TERT: variants seen among roughly 807,000 people sequenced by gnomAD.
TERT encodes telomerase catalytic subunit.
A neutral mutation model predicts 104.0 loss-of-function variants in TERT; 42 were observed. The ratio of observed to expected loss-of-function variants is 0.40; its 90% CI spans 0.32 to 0.52. The LOEUF is 0.52. Among genes scored for constraint, TERT ranks in the 20% least tolerant of loss-of-function variants. The pLI is 0.43. For missense variants in TERT, 1,101 were observed against 1,610.3 expected (o/e 0.68, Z 5.41); for synonymous variants, 781 against 725.6 (o/e 1.08, Z -1.23).
Position 1,294,149 on chromosome 5 carries a change from G to A in TERT, c.737C>T (p.Pro246Leu), listed in dbSNP as rs377315722. The stretch of plus-strand genomic sequence containing the variant: ...CCCCTGCCCAACGGGCGTCCGCTCC[G>A]GCTCAGGGGCAGCGCCACGCCTGGG... ...KRPRRGAAPE[P>L]ERTPVGQGSW... is the part of the protein sequence containing the mutation. The change falls in exon 2 of 16, where the codon CCG (proline) becomes CTG (leucine). Residue 246 changes from proline to leucine, a missense_variant. Around this residue, in one of 5 missense-constraint regions of TERT, gnomAD observed 504 missense variants for 544.6 expected, o/e 0.93. Coordinates refer to ENST00000310581, the MANE Select transcript of TERT (RefSeq NM_198253.3). 1.8e-5 allele frequency: 29 copies of A among 1,581,062 alleles called. No individual in the cohort carries two copies. The African/African-American group carries it at 1.9e-4, about 10-fold the overall frequency.
rs1418564462 is a variant in TERT, at chr5:1,264,603, G to T, written c.2655-11C>A. 3.7e-6 allele frequency: 6 copies of T among 1,613,624 alleles called. No homozygotes were observed. Among genetic ancestry groups the T allele is most frequent in the Non-Finnish European group, 5.1e-6 (6 of 1,180,034 alleles). The stretch of plus-strand genomic sequence containing the variant: ...CCTCGGACCAGGGTCCTAAGGCAGA[G>T]GGGCAATGTCAGCCCCAGGATGCGG... On this transcript the variant is annotated splice_polypyrimidine_tract_variant and intron_variant, in intron 10 of 15. Transcript: ENST00000310581.
In TERT at chr5:1,255,278, T is replaced by C. The variant is rs559604722; in HGVS notation, c.3157+9A>G. On this transcript the variant is annotated intron_variant, in intron 14 of 15. Transcript: ENST00000310581. The surrounding 1 kb of genome is among the most constrained non-coding windows in gnomAD (Gnocchi z 6.9). ...ACTGCTGCCACTGAGGCCAGGCACC[T>C]GCACATACCTGCGTTCTTGGCTTTC... 1 of 1,613,180 alleles carries C rather than the reference T, an allele frequency of 6.2e-7. No homozygotes were observed. The highest frequency in any genetic ancestry group is 8.5e-7 in the Non-Finnish European group (1 of 1,179,702).
At chr5:1,279,093 T>C (rs2081048981) in intron 5 of TERT, among the ~76,000 whole-genome samples, 198 bp downstream of exon 5, 1 of 152,136 alleles carries the variant, frequency 6.6e-6, no homozygotes, top group African/African-American at 2.4e-5. Flanking sequence ...GCAGTCAGGG[T>C]GCACAGTCGG....
chr5:1,280,191 G>T lies in TERT; in HGVS notation c.1917C>A (p.Val639=), dbSNP rs142989562. 54 of 1,613,972 alleles carry T rather than the reference G, an allele frequency of 3.3e-5. No homozygotes were observed. Among genetic ancestry groups the T allele is most frequent in the Non-Finnish European group, 1.7e-6 (2 of 1,180,050 alleles). Residue 639 remains valine (V), a synonymous_variant, in exon 4 of 16, where the codon GTC becomes GTA. Transcript: ENST00000310581. ...CTCTGCGGAACGTTCTGGCTCCCAC[G>T]ACGTAGTCCATGTTCACAATCGGCC... The part of the protein sequence containing the change: ...GLRPIVNMDY[V]VGARTFRREK...
rs1463420184 is a variant in TERT at position 1,289,880 on chromosome 5, G to A, written c.1573+3433C>T. ...CTGCAAGTGACAGGGACACCCGGGG[G>A]CCGCGCCTCACTCACCCTGCACGTG... On this transcript the variant is annotated intron_variant, in intron 2 of 15. Coordinates refer to ENST00000310581, the MANE Select transcript of TERT (RefSeq NM_198253.3). 2.7e-4 allele frequency among the ~76,000 whole-genome samples: 13 copies of A among 48,614 alleles called. 1 individual carries two copies. The highest frequency in any genetic ancestry group is 2.3e-3 in the South Asian group (2 of 886). The allele number at this position is 48,614 out of a possible 152,430, so 31.9% of individuals were successfully genotyped here.
At chr5:1,276,502 C>A in intron 6 of TERT, among the ~76,000 whole-genome samples, 1 of 150,314 alleles carries the variant, frequency 6.7e-6, no homozygotes, top group Non-Finnish European at 1.5e-5. Context: ...CCACCTACCC[C>A]ACACAAGAAA....
chr5:1,254,588 C>T (rs1006685720), intron 14 of TERT, 83 bp from the exon 15 acceptor site: 21 of 1,499,910 alleles, frequency 1.4e-5, no homozygotes, highest in African/African-American at 1.2e-4. Flanking sequence ...CCACACCCGA[C>T]GGTCTGCGGG....
At chr5:1,259,411 G>A (rs1748023207) in intron 12 of TERT, among the ~76,000 whole-genome samples, 2 of 118,180 alleles carry the variant, frequency 1.7e-5, no homozygotes, top group African/African-American at 6.6e-5. Context: ...GCCCACAGGA[G>A]GGGGGAGTGG....
chr5:1,288,520 G>A lies in TERT; in HGVS notation c.1573+4793C>T, dbSNP rs934350054. On this transcript the variant is annotated intron_variant, in intron 2 of 15. Coordinates refer to ENST00000310581, the MANE Select transcript of TERT (RefSeq NM_198253.3). This position sits in a 1 kb window ranked among gnomAD's most constrained non-coding sequence, Gnocchi z 5.3. ...TGTGGCTGGACGTCAATCCATGTGA[G>A]GGGGCGACTGGAGGCAGAGCCCAGC... Among the ~76,000 whole-genome samples, 1 of 152,126 alleles carries A rather than the reference G, an allele frequency of 6.6e-6. No homozygotes were observed. The highest frequency in any genetic ancestry group is 6.6e-5 in the Admixed American group (1 of 15,266).
Position 1,255,156 on chromosome 5 carries a change from T to A in TERT, c.3157+131A>T. The A allele has an allele frequency of 8.4e-7, 1 of 1,189,974 alleles. No individual in the cohort carries two copies. 73.7% of individuals were successfully genotyped at this position (1,189,974 alleles called of 1,614,324 possible). On this transcript the variant is annotated intron_variant, in intron 14 of 15. Coordinates refer to ENST00000310581, the MANE Select transcript of TERT (RefSeq NM_198253.3). The surrounding 1 kb of genome is among the most constrained non-coding windows in gnomAD (Gnocchi z 6.9). Reference sequence around the variant, plus strand: ...GAGGGCGGGCAGACGAGCCTGACAGTGGTTGGGTTAAACCACTTCCTGATG... The same window carrying A: ...GAGGGCGGGCAGACGAGCCTGACAGAGGTTGGGTTAAACCACTTCCTGATG...
At chr5:1,282,405 AG>A in intron 3 of TERT, 23 bp downstream of exon 3, 1 of 1,613,044 alleles carries the variant, frequency 6.2e-7, no homozygotes, top group East Asian at 2.2e-5. Context: ...CGAGAAGCAG[AG>A]GCCTGGCGTG....
Position 1,255,465 on chromosome 5 carries a change from C to CGTGGGT in TERT, c.3033-60_3033-55dup. The stretch of plus-strand genomic sequence containing the variant: ...AAAGGCCTCCTAATCAGACGGTGCT[C>CGTGGGT]GTGGGTGTGGGCATGGGCCCACCGG... On this transcript the variant is annotated intron_variant, in intron 13 of 15. Coordinates refer to ENST00000310581, the MANE Select transcript of TERT (RefSeq NM_198253.3). This position sits in a 1 kb window ranked among gnomAD's most constrained non-coding sequence, Gnocchi z 6.9. The CGTGGGT allele has an allele frequency of 1.9e-6, 3 of 1,612,382 alleles. No individual in the cohort carries two copies. Among genetic ancestry groups the CGTGGGT allele is most frequent in the Non-Finnish European group, 2.5e-6 (3 of 1,179,590 alleles).
chr5:1,276,264 C>T (rs914350661), intron 6 of TERT, among the ~76,000 whole-genome samples: 1 of 147,012 alleles, frequency 6.8e-6, no homozygotes, highest in Non-Finnish European at 1.5e-5. Context: ...ATTCACAGAT[C>T]TCCACCTACA....
chr5:1,273,461 T>C lies in TERT; in HGVS notation c.2287-1181A>G, dbSNP rs866625124. Reference sequence around the variant, plus strand: ...CCACACATCAGACCCCTGTGACCGATCGCCATCCACAGTCACCACACATCA... The same window carrying C: ...CCACACATCAGACCCCTGTGACCGACCGCCATCCACAGTCACCACACATCA... On this transcript the variant is annotated intron_variant, in intron 6 of 15. Transcript: ENST00000310581. Among the ~76,000 whole-genome samples, 119 of 30,830 alleles carry C rather than the reference T, an allele frequency of 3.9e-3. 3 individuals carry two copies. In the East Asian group the frequency reaches 0.054, roughly 14 times the overall value. The allele number at this position is 30,830 out of a possible 152,430, so 20.2% of individuals were successfully genotyped here. A position where few individuals can be genotyped will look rare whatever the true frequency, so the allele number is the denominator to read the frequency against.
intron 2 of TERT, among the ~76,000 whole-genome samples, chr5:1,291,726 G>GAT (rs1750999897): frequency 6.7e-6 from 1 of 149,342 alleles, no homozygotes; most frequent in Admixed American, 6.7e-5. Context: ...GACACCTGGG[G>GAT]GCAACGCCTC....
rs1159227763 is a variant in TERT, at chr5:1,286,317, C to G, written c.1574-3693G>C. Reference sequence around the variant, plus strand: ...CAAGACAGAAGAACCACGCAAAGGACAAGGAAGGGGACCCCAGACGGCGGG... The same window carrying G: ...CAAGACAGAAGAACCACGCAAAGGAGAAGGAAGGGGACCCCAGACGGCGGG... On this transcript the variant is annotated intron_variant, in intron 2 of 15. Coordinates refer to ENST00000310581, the MANE Select transcript of TERT (RefSeq NM_198253.3). This position sits in a 1 kb window ranked among gnomAD's most constrained non-coding sequence, Gnocchi z 5.3. Among the ~76,000 whole-genome samples, 1 of 152,158 alleles carries G rather than the reference C, an allele frequency of 6.6e-6. No individual in the cohort carries two copies. The highest frequency in any genetic ancestry group is 2.1e-4 in the South Asian group (1 of 4,826).
intron 5 of TERT, 151 bp from the exon 6 acceptor site, chr5:1,278,947 T>A: frequency 8.7e-7 from 1 of 1,144,318 alleles, no homozygotes; most frequent in African/African-American, 1.5e-5. Flanking sequence ...GTGTCCCCTC[T>A]CTGAGCCTCA....
chr5:1,254,821 C>T (rs780976223), intron 14 of TERT, among the ~76,000 whole-genome samples: 1 of 152,202 alleles, frequency 6.6e-6, no homozygotes, highest in East Asian at 1.9e-4. Context: ...GACTGGGAAG[C>T]AGAGGACGGC....
chr5:1,268,781 A>C lies in TERT; in HGVS notation c.2469-148T>G. The stretch of plus-strand genomic sequence containing the variant: ...GGCAAACACCTCAGAAACATACCAG[A>C]TGAGACCTCTGAACAAACAATCCCT... On this transcript the variant is annotated intron_variant, in intron 8 of 15. Transcript: ENST00000310581. This position sits in a 1 kb window ranked among gnomAD's most constrained non-coding sequence, Gnocchi z 5.5. The C allele has an allele frequency of 1.6e-6, 1 of 619,468 alleles. No homozygotes were observed. Among genetic ancestry groups the C allele is most frequent in the South Asian group, 1.9e-5 (1 of 53,238 alleles). 38.4% of individuals were successfully genotyped at this position (619,468 alleles called of 1,614,324 possible).
Sources: allele counts gnomAD v4.1 joint callset (sites outside exome capture counted in the v4.1 genomes callset), GRCh38; gene constraint gnomAD v4.1.1; regional missense constraint gnomAD v4.1.1; non-coding constraint Gnocchi (gnomAD v3.1); transcripts MANE v1.5; gene names NCBI Gene and HGNC (gene_info 2026-07-23, HGNC 2026-07-21).